The following CNTN3 variants were observed in gnomAD, a reference collection of about 807,000 sequenced individuals.
CNTN3 encodes the protein contactin-3.
Under a neutral mutation model 119.1 loss-of-function variants are expected in CNTN3, and 60 were observed. That is an observed-to-expected ratio of 0.50 (90% CI 0.41 to 0.62). The LOEUF (loss-of-function observed/expected upper bound fraction) is 0.62. Among genes scored for constraint, CNTN3 ranks in the 20% least tolerant of loss-of-function variants. The probability of loss-of-function intolerance (pLI) is 0.00; values close to 1 mark genes in which losing one functional copy is unlikely to be tolerated. For synonymous variants in CNTN3, 450 were observed against 438.7 expected (o/e 1.03, Z -0.32); for missense variants, 1,101 against 1,242.4 (o/e 0.89, Z 1.71).
At position 74,285,355 on chromosome 3, in the gene CNTN3, G is replaced by A. The variant is rs769431958; in HGVS notation, c.2654C>T (p.Ala885Val). ...TGTGGCGCTAAAAGGCCCAGCGCCG[G>A]CACTGTTGTAAGCCCGGACAGCCGT... The part of the protein sequence containing the change: ...YYTAVRAYNS[A>V]GAGPFSATVN... Residue 885 changes from alanine (A) to valine (V), a missense_variant, in exon 20 of 23, where the codon GCC (alanine) becomes GTC (valine). By Grantham distance (64) the Ala-to-Val change is moderately conservative. Transcript: ENST00000263665. 2 of 1,612,954 alleles carry A rather than the reference G, an allele frequency of 1.2e-6. No individual in the cohort carries two copies. The highest frequency in any genetic ancestry group is 1.1e-5 in the South Asian group (1 of 90,968).
chr3:74,489,552 G>A (rs1052703318), intron 3 of CNTN3, among the ~76,000 whole-genome samples: 1 of 151,642 alleles, frequency 6.6e-6, no homozygotes, highest in Admixed American at 6.6e-5. Context: ...TGAAGTTGTG[G>A]TAAAAGGTCC....
chr3:74,607,484 C>A (rs1705012163), intron 1 of CNTN3, among the ~76,000 whole-genome samples: 1 of 152,140 alleles, frequency 6.6e-6, no homozygotes, highest in African/African-American at 2.4e-5. Context: ...TCAGTTGGGG[C>A]CCTGCCCTAG....
At chr3:74,374,532 C>T (rs1704427874) in intron 5 of CNTN3, among the ~76,000 whole-genome samples, 1 of 152,036 alleles carries the variant, frequency 6.6e-6, no homozygotes, top group Non-Finnish European at 1.5e-5. Flanking sequence ...CCTCATGTCA[C>T]TCCCATTCTT....
intron 4 of CNTN3, among the ~76,000 whole-genome samples, chr3:74,447,839 C>T (rs1022013164): frequency 6.6e-6 from 1 of 152,150 alleles, no homozygotes; most frequent in Admixed American, 6.6e-5. Context: ...TAAAATTGCT[C>T]TATGTAAAAA....
intron 4 of CNTN3, among the ~76,000 whole-genome samples, chr3:74,480,711 A>T (rs908123218): frequency 1.6e-5 from 2 of 123,230 alleles, no homozygotes; most frequent in Admixed American, 7.8e-5. Flanking sequence ...TAAACGAAAC[A>T]TTAGCACTAA....
intron 5 of CNTN3, among the ~76,000 whole-genome samples, chr3:74,403,787 A>C (rs929867319): frequency 6.6e-6 from 1 of 152,092 alleles, no homozygotes; most frequent in Non-Finnish European, 1.5e-5. Context: ...TTGTGTGTAA[A>C]TTCATTAAAA....
intron 1 of CNTN3, among the ~76,000 whole-genome samples, chr3:74,533,791 G>T: frequency 6.6e-6 from 1 of 152,016 alleles, no homozygotes; most frequent in East Asian, 1.9e-4. Flanking sequence ...GAGCTCTAGT[G>T]CAGAGATTCT....
intron 1 of CNTN3, among the ~76,000 whole-genome samples, chr3:74,551,569 T>C (rs2107160795): frequency 6.6e-6 from 1 of 152,036 alleles, no homozygotes; most frequent in Admixed American, 6.6e-5. Context: ...ACCATTACAG[T>C]AACATGCAGG....
chr3:74,466,107 G>A (rs990950416), intron 4 of CNTN3, among the ~76,000 whole-genome samples: 2 of 152,104 alleles, frequency 1.3e-5, no homozygotes, highest in Non-Finnish European at 2.9e-5. Flanking sequence ...TAAAGCAAGT[G>A]GAACCTGAGC....
In CNTN3 at chr3:74,521,176, C is replaced by T; in HGVS notation, c.-64G>A. Reference sequence around the variant, plus strand: ...TCTGATGAATAGAATGCTTTCTCTTCAGGTAAATCCTTTAATCTGTAAAAT... The same window carrying T: ...TCTGATGAATAGAATGCTTTCTCTTTAGGTAAATCCTTTAATCTGTAAAAT... On this transcript the variant is annotated 5_prime_UTR_variant, in exon 2 of 23. Coordinates refer to ENST00000263665, the MANE Select transcript of CNTN3 (RefSeq NM_020872.3). 1.2e-6 allele frequency: 1 copy of T among 821,908 alleles called. No homozygotes were observed. The highest frequency in any genetic ancestry group is 1.9e-6 in the Non-Finnish European group (1 of 528,256). 50.9% of individuals were successfully genotyped at this position (821,908 alleles called of 1,614,324 possible).
intron 21 of CNTN3, 58 bp from the exon 22 acceptor site, chr3:74,266,707 T>C (rs1031277705): frequency 6.6e-6 from 10 of 1,512,606 alleles, no homozygotes; most frequent in African/African-American, 1.4e-5. Flanking sequence ...GTTTTCTTCA[T>C]AGAATTTGTC....
At chr3:74,613,647 C>G (rs1359715019) in intron 1 of CNTN3, among the ~76,000 whole-genome samples, 1 of 152,202 alleles carries the variant, frequency 6.6e-6, no homozygotes, top group Admixed American at 6.5e-5. Flanking sequence ...AGCCCAGAAG[C>G]TGTTCGTTCA....
intron 1 of CNTN3, among the ~76,000 whole-genome samples, chr3:74,604,259 T>A (rs1445805488): frequency 6.6e-6 from 1 of 152,118 alleles, no homozygotes; most frequent in Non-Finnish European, 1.5e-5. Flanking sequence ...TAGGCAATGA[T>A]TTTTTGGATA....
At chr3:74,289,530 T>C (rs1438190881) in intron 19 of CNTN3, among the ~76,000 whole-genome samples, 1 of 152,220 alleles carries the variant, frequency 6.6e-6, no homozygotes. Context: ...TACATCACTA[T>C]ATATTACTTC....
intron 2 of CNTN3, among the ~76,000 whole-genome samples, chr3:74,514,029 C>A (rs1009593144): frequency 2.0e-5 from 3 of 151,260 alleles, no homozygotes; most frequent in Non-Finnish European, 4.4e-5. Context: ...TAAATATCAA[C>A]AATGTAGTAT....
At chr3:74,556,238 A>G (rs906398815) in intron 1 of CNTN3, among the ~76,000 whole-genome samples, 1 of 152,114 alleles carries the variant, frequency 6.6e-6, no homozygotes, top group Admixed American at 6.6e-5. Context: ...CATCATCACT[A>G]TCTAAGAACA....
In CNTN3 at chr3:74,452,430, T is replaced by C. The variant is rs1328075189; in HGVS notation, c.359-27490A>G. Among the ~76,000 whole-genome samples the C allele has an allele frequency of 4.0e-3, 583 of 145,340 alleles. 4 individuals are homozygous for C. The highest frequency in any genetic ancestry group is 6.9e-3 in the Non-Finnish European group (460 of 66,746). On this transcript the variant is annotated intron_variant, in intron 4 of 22. Coordinates refer to ENST00000263665, the MANE Select transcript of CNTN3 (RefSeq NM_020872.3). ...GAGATTTTGGGCTGAGACGATGGGG[T>C]TTTCTAGATATACAATCATGTCATC...
At chr3:74,307,443 A>G (rs1702587857) in intron 13 of CNTN3, among the ~76,000 whole-genome samples, 1 of 152,196 alleles carries the variant, frequency 6.6e-6, no homozygotes, top group African/African-American at 2.4e-5. Flanking sequence ...TTAACAGTAA[A>G]TGGATTTGTA....
chr3:74,280,050 GGGGATGGA>G (rs1465889190), intron 20 of CNTN3, among the ~76,000 whole-genome samples: 1 of 151,988 alleles, frequency 6.6e-6, no homozygotes, highest in African/African-American at 2.4e-5. Context: ...AAATGTTTGA[GGGGATGGA>G]TACTTCATTC....
Sources: gnomAD v4.1 joint callset for allele counts (sites outside exome capture counted in the v4.1 genomes callset) on GRCh38, gnomAD v4.1.1 for gene constraint, MANE v1.5 for transcripts, NCBI Gene and HGNC (gene_info 2026-07-23, HGNC 2026-07-21) for gene names.